The following CACNA2D3 variants were observed in gnomAD, a reference collection of about 807,000 sequenced individuals.
The protein encoded by CACNA2D3 is voltage-dependent calcium channel subunit alpha-2/delta-3.
In CACNA2D3, 60 loss-of-function variants were observed where a neutral mutation model predicts 160.6. The ratio of observed to expected loss-of-function variants is 0.37; its 90% confidence interval spans 0.30 to 0.46. The LOEUF is 0.46. Among genes scored for constraint, CACNA2D3 ranks in the 20% least tolerant of loss-of-function variants. The probability of loss-of-function intolerance (pLI) is 1.00; values close to 1 mark genes in which losing one functional copy is unlikely to be tolerated. For synonymous variants in CACNA2D3, 558 were observed against 492.9 expected, an observed-to-expected ratio of 1.13 and a Z score of -1.75; for missense variants, 1,205 against 1,365.0, an observed-to-expected ratio of 0.88 and a Z score of 1.85.
chr3:54,327,830 G>A (rs1347485650), intron 3 of CACNA2D3, among the ~76,000 whole-genome samples: 3 of 152,066 alleles, frequency 2.0e-5, no homozygotes, highest in East Asian at 1.9e-4. Flanking sequence ...ATATAGATAT[G>A]TGTGGGTGTA....
At chr3:54,809,359 C>T (rs1169983048) in intron 13 of CACNA2D3, among the ~76,000 whole-genome samples, 46 of 103,588 alleles carry the variant, frequency 4.4e-4, no homozygotes, top group Non-Finnish European at 3.4e-4. Context: ...TCGCCCAGGT[C>T]GGACTGCGGA....
At chr3:54,399,877 T>G (rs1699416070) in intron 4 of CACNA2D3, among the ~76,000 whole-genome samples, 1 of 125,310 alleles carries the variant, frequency 8.0e-6, no homozygotes, top group South Asian at 2.6e-4. Flanking sequence ...GCCTGGGCAA[T>G]GGCGGGCGCC....
chr3:54,839,766 A>G (rs1417794882), intron 16 of CACNA2D3, among the ~76,000 whole-genome samples: 3 of 152,166 alleles, frequency 2.0e-5, no homozygotes, highest in Non-Finnish European at 4.4e-5. Flanking sequence ...GGCAGTGGTT[A>G]GAGCTTGACT....
At chr3:54,763,858 CATATATATATACGT>C (rs1176038086) in intron 12 of CACNA2D3, among the ~76,000 whole-genome samples, 1 of 43,020 alleles carries the variant, frequency 2.3e-5, no homozygotes, top group East Asian at 7.5e-4. Flanking sequence ...CATATATATA[CATATATATATACGT>C]ATATATATGT....
chr3:54,286,545 C>T (rs1370056580), intron 2 of CACNA2D3, among the ~76,000 whole-genome samples: 1 of 152,152 alleles, frequency 6.6e-6, no homozygotes, highest in Non-Finnish European at 1.5e-5. Flanking sequence ...TCTAGCAAGG[C>T]AGGCCAATAT....
rs939435293 is a variant in CACNA2D3, at chr3:54,122,670, C to T, written c.-44C>T. ...CCCGCTCCGCGCAGCTCCCCGCGGC[C>T]GCTCTCGTCGCCGCCGCAGCGGGCG... On this transcript the variant is annotated 5_prime_UTR_variant, in exon 1 of 38. Coordinates refer to ENST00000474759, the MANE Select transcript of CACNA2D3 (RefSeq NM_018398.3). 5.8e-6 allele frequency: 6 copies of T among 1,038,294 alleles called. No individual in the cohort carries two copies. The highest frequency in any genetic ancestry group is 1.7e-5 in the African/African-American group (1 of 57,864). 64.3% of individuals were successfully genotyped at this position (1,038,294 alleles called of 1,614,324 possible). A position where few individuals can be genotyped will look rare whatever the true frequency, so the allele number is the denominator to read the frequency against.
At chr3:54,482,824 A>G (rs1700955162) in intron 4 of CACNA2D3, among the ~76,000 whole-genome samples, 1 of 152,148 alleles carries the variant, frequency 6.6e-6, no homozygotes, top group Admixed American at 6.6e-5. Flanking sequence ...TGGAATTACT[A>G]CAAGGGGAAG....
At chr3:54,134,967 A>G (rs1039937123) in intron 2 of CACNA2D3, among the ~76,000 whole-genome samples, 3 of 152,240 alleles carry the variant, frequency 2.0e-5, no homozygotes, top group African/African-American at 7.2e-5. Context: ...AGCCGCCACC[A>G]TCAACCTGGG....
chr3:54,773,682 A>AT (rs1182743078), intron 13 of CACNA2D3, among the ~76,000 whole-genome samples: 1 of 152,160 alleles, frequency 6.6e-6, no homozygotes, highest in Non-Finnish European at 1.5e-5. Context: ...TGTTATGATT[A>AT]TTTTTTTCCA....
rs1218546584 is a variant in CACNA2D3, at chr3:54,347,668, C to A, written c.321+27110C>A. 8.7e-5 allele frequency among the ~76,000 whole-genome samples: 13 copies of A among 149,896 alleles called. No homozygotes were observed. In the East Asian group the frequency reaches 1.2e-3, roughly 14 times the overall value. On this transcript the variant is annotated intron_variant, in intron 3 of 37. Coordinates refer to ENST00000474759, the MANE Select transcript of CACNA2D3 (RefSeq NM_018398.3). ...TGTTGGTTGACTTAAAAAAAAAAAA[C>A]AAAAAACACCATGGGCTCCTTCTTC...
At chr3:54,603,877 TA>T (rs140319667) in intron 9 of CACNA2D3, among the ~76,000 whole-genome samples, 2,987 of 147,448 alleles carry the variant, frequency 0.02, 32 homozygotes, top group Non-Finnish European at 0.028. Context: ...ATGCATGCTT[TA>T]AAAAAAAAAA....
intron 2 of CACNA2D3, among the ~76,000 whole-genome samples, chr3:54,203,049 A>G (rs1701206195): frequency 1.3e-5 from 2 of 152,206 alleles, no homozygotes; most frequent in African/African-American, 4.8e-5. Context: ...GGGTGCTATC[A>G]GCTGCATGTC....
At chr3:54,461,755 G>GT (rs1252935885) in intron 4 of CACNA2D3, among the ~76,000 whole-genome samples, 2 of 151,948 alleles carry the variant, frequency 1.3e-5, no homozygotes, top group South Asian at 2.1e-4. Flanking sequence ...TTTTTGAAGG[G>GT]TTTTTTGTGT....
At chr3:54,644,548 T>A (rs141605799) in intron 11 of CACNA2D3, among the ~76,000 whole-genome samples, 1 of 152,252 alleles carries the variant, frequency 6.6e-6, no homozygotes, top group Non-Finnish European at 1.5e-5. Flanking sequence ...TTCTCCATTA[T>A]TTTGAATGTT....
At chr3:54,690,149 C>G (rs1204446641) in intron 11 of CACNA2D3, among the ~76,000 whole-genome samples, 2 of 152,014 alleles carry the variant, frequency 1.3e-5, no homozygotes, top group Non-Finnish European at 2.9e-5. Flanking sequence ...TAACATCTAC[C>G]ATGATGACCC....
intron 11 of CACNA2D3, among the ~76,000 whole-genome samples, chr3:54,730,850 A>G (rs1249348672): frequency 1.3e-5 from 2 of 152,244 alleles, no homozygotes; most frequent in East Asian, 1.9e-4. Context: ...TTGGTCATAC[A>G]TTGCACAGCT....
At chr3:54,173,016 C>A (rs1700606573) in intron 2 of CACNA2D3, among the ~76,000 whole-genome samples, 1 of 152,140 alleles carries the variant, frequency 6.6e-6, no homozygotes, top group South Asian at 2.1e-4. Flanking sequence ...AAGTCCTGGG[C>A]ACTAAAGGAA....
chr3:54,823,735 TTG>T (rs1036458509), intron 14 of CACNA2D3, among the ~76,000 whole-genome samples: 2 of 152,214 alleles, frequency 1.3e-5, no homozygotes, highest in Non-Finnish European at 1.5e-5. Flanking sequence ...TATGCTCCTG[TTG>T]TGTGTGTGTG....
chr3:54,480,064 C>A (rs1700908147), intron 4 of CACNA2D3, among the ~76,000 whole-genome samples: 1 of 152,086 alleles, frequency 6.6e-6, no homozygotes, highest in Non-Finnish European at 1.5e-5. Context: ...CAAGTCGAAT[C>A]TGTAATAGGA....
Sources: allele counts gnomAD v4.1 joint callset (sites outside exome capture counted in the v4.1 genomes callset), GRCh38; gene constraint gnomAD v4.1.1; transcripts MANE v1.5; gene names NCBI Gene and HGNC (gene_info 2026-07-23, HGNC 2026-07-21).